The following FCRL5 variants were observed in gnomAD, a reference collection of about 807,000 sequenced individuals.
FCRL5 encodes the protein Fc receptor like 5, also known as Fc receptor-like protein 5.
FCRL5 carries 79 observed loss-of-function variants against 92.1 expected under a neutral mutation model. That is an observed-to-expected ratio of 0.86 (90% CI 0.72 to 1.03). The LOEUF (loss-of-function observed/expected upper bound fraction) is 1.03. Among genes scored for constraint, FCRL5 ranks in the 50% least tolerant of loss-of-function variants. The probability of loss-of-function intolerance (pLI) is 0.00; values close to 1 mark genes in which losing one functional copy is unlikely to be tolerated. For synonymous variants in FCRL5, 466 were observed against 469.3 expected (o/e 0.99, Z 0.09); for missense variants, 1,160 against 1,181.1 (o/e 0.98, Z 0.26).
Position 157,518,445 on chromosome 1 carries a change from C to T in FCRL5, c.2796G>A (p.Glu932=). The T allele has an allele frequency of 1.2e-6, 2 of 1,614,062 alleles. No homozygotes were observed. Among genetic ancestry groups the T allele is most frequent in the Admixed American group, 1.7e-5 (1 of 60,020 alleles). The change falls in exon 15 of 17, where the codon GAG becomes GAA. Residue 932 remains glutamate (E), a synonymous_variant. Transcript: ENST00000361835. The part of the protein sequence containing the change: ...VVYSEVRIIQ[E]KKKHAVASDP... ...GGGTCTTACCTGCATGTTTCTTTTT[C>T]TCTTGGATGATCCGTACTTCTGAGT...
At position 157,515,021 on chromosome 1, in the gene FCRL5, G is replaced by A. The variant is rs1649856263; in HGVS notation, c.*654C>T. The A allele has an allele frequency of 1.3e-5, 2 of 155,320 alleles. No individual in the cohort carries two copies. The highest frequency in any genetic ancestry group is 1.2e-4 in the Admixed American group (2 of 16,076). The allele number at this position is 155,320 out of a possible 1,614,324, so 9.6% of individuals were successfully genotyped here. On this transcript the variant is annotated 3_prime_UTR_variant, in exon 17 of 17. Coordinates refer to ENST00000361835, the MANE Select transcript of FCRL5 (RefSeq NM_031281.3). ...GGATGGGAAGAACTTGGGACTTGGT[G>A]TATGAAAGCCACTTACTTGGGCAGG...
chr1:157,533,773 A>C (rs897269372), intron 8 of FCRL5: 14 of 150,192 alleles, frequency 9.3e-5, no homozygotes, highest in African/African-American at 3.6e-4. Context: ...GAATGAGTGA[A>C]GTCTAGAAGC....
chr1:157,516,164 G>C lies in FCRL5; in HGVS notation c.2813-291C>G, dbSNP rs1278497120. The C allele has an allele frequency of 1.8e-5, 10 of 544,146 alleles. No individual in the cohort carries two copies. The East Asian group carries it at 3.2e-4, about 17-fold the overall frequency. 33.7% of individuals were successfully genotyped at this position (544,146 alleles called of 1,614,324 possible). On this transcript the variant is annotated intron_variant, in intron 15 of 16. Coordinates refer to ENST00000361835, the MANE Select transcript of FCRL5 (RefSeq NM_031281.3). ...TTGTCTTTTATCTTGTTAGTTATTTGAGCATAATTGGTATTATTGTTCTGG... is the reference window on the plus strand; with the variant it reads ...TTGTCTTTTATCTTGTTAGTTATTTCAGCATAATTGGTATTATTGTTCTGG...
rs1558129365 is a variant in FCRL5, at chr1:157,524,513, G to C, written c.2005C>G (p.Gln669Glu). 6.2e-7 allele frequency: 1 copy of C among 1,613,510 alleles called. No homozygotes were observed. The highest frequency in any genetic ancestry group is 8.5e-7 in the Non-Finnish European group (1 of 1,179,540). Reference protein sequence around the residue: ...PILTFRAPRAQAVVGDLLELH... With the variant: ...PILTFRAPRAEAVVGDLLELH... ...TCCAGCAGGTCCCCCACCACAGCCT[G>C]GGCCCTGGGAGCCCTGAAGGTGAGG... The change falls in exon 10 of 17, where the codon CAG becomes GAG. Residue 669 changes from glutamine to glutamate, a missense_variant. By Grantham distance (29) the Gln-to-Glu change is conservative. Transcript: ENST00000361835.
chr1:157,521,314 A>G (rs1650182742), intron 10 of FCRL5, 22 bp from the exon 11 acceptor site: 9 of 1,577,246 alleles, frequency 5.7e-6, no homozygotes, highest in African/African-American at 1.4e-5. Context: ...CAAAAAGTCA[A>G]CAGCAGTTTC....
chr1:157,541,302 C>T (rs920112499), intron 6 of FCRL5, among the ~76,000 whole-genome samples: 1 of 152,170 alleles, frequency 6.6e-6, no homozygotes, highest in Non-Finnish European at 1.5e-5. Flanking sequence ...CTCCTGGCTG[C>T]CCCCCAAACT....
In FCRL5 at chr1:157,544,909, T is replaced by A. The variant is rs369623236; in HGVS notation, c.481A>T (p.Asn161Tyr). ...FHIPHACLKD[N>Y]GAYRCTGYKE... ...TATCCAGTACAGCGATATGCACCAT[T>A]GTCCTTGAGACATGCATGAGGAATA... Residue 161 changes from asparagine (N) to tyrosine (Y), a missense_variant, in exon 4 of 17, where the codon AAT becomes TAT. Asn to Tyr is a moderately radical substitution (Grantham distance 143, BLOSUM62 -2). Transcript: ENST00000361835. The A allele has an allele frequency of 1.2e-6, 2 of 1,614,190 alleles. No individual in the cohort carries two copies. Among genetic ancestry groups the A allele is most frequent in the Non-Finnish European group, 1.7e-6 (2 of 1,179,990 alleles).
At chr1:157,542,803 G>T in intron 6 of FCRL5, 56 bp downstream of exon 6, 1 of 1,571,662 alleles carries the variant, frequency 6.4e-7, no homozygotes, top group Non-Finnish European at 8.6e-7. Context: ...CCGAAGGGCA[G>T]GGTGAGGCAG....
Position 157,534,734 on chromosome 1 carries a change from A to T in FCRL5, c.1561T>A (p.Ser521Thr), listed in dbSNP as rs371783204. The T allele has an allele frequency of 3.1e-6, 5 of 1,613,968 alleles. No individual in the cohort carries two copies. The highest frequency in any genetic ancestry group is 2.7e-5 in the African/African-American group (2 of 74,896). Residue 521 changes from serine (S) to threonine (T), a missense_variant, in exon 8 of 17, where the codon TCT (serine) becomes ACT (threonine). Coordinates refer to ENST00000361835, the MANE Select transcript of FCRL5 (RefSeq NM_031281.3). Reference protein sequence around the residue: ...DMPLWSSSTPSVGRVSFSFSL... With the variant: ...DMPLWSSSTPTVGRVSFSFSL... ...AAGCTGAAGGACACTCTTCCCACAG[A>T]GGGTGTTGAGCTGCTCCACAGGGGC...
In FCRL5 at chr1:157,544,836, A is replaced by T; in HGVS notation, c.554T>A (p.Val185Asp). Residue 185 changes from valine (V) to aspartate (D), a missense_variant, in exon 4 of 17, where the codon GTC becomes GAC. Val to Asp is a radical substitution (Grantham distance 152). Coordinates refer to ENST00000361835, the MANE Select transcript of FCRL5 (RefSeq NM_031281.3). Reference sequence around the variant, plus strand: ...CAAAATAATGAAGGCTTTACCTTGGACTTGGATTTTGACTGTATTGGAAGA... The same window carrying T: ...CAAAATAATGAAGGCTTTACCTTGGTCTTGGATTTTGACTGTATTGGAAGA... The part of the protein sequence containing the change: ...PVSSNTVKIQ[V>D]QEPFTRPVLR... 6.2e-7 allele frequency: 1 copy of T among 1,614,066 alleles called. No individual in the cohort carries two copies. The highest frequency in any genetic ancestry group is 8.5e-7 in the Non-Finnish European group (1 of 1,180,014).
At chr1:157,519,695 C>G in intron 13 of FCRL5, 48 bp downstream of exon 13, 1 of 1,596,854 alleles carries the variant, frequency 6.3e-7, no homozygotes, top group Non-Finnish European at 8.6e-7. Context: ...CATTTTTCCA[C>G]CCTGTGGACA....
At chr1:157,518,629 C>A in intron 14 of FCRL5, 71 bp downstream of exon 14, 1 of 1,489,900 alleles carries the variant, frequency 6.7e-7, no homozygotes, top group Non-Finnish European at 9.3e-7. Flanking sequence ...AGTCCCTCCC[C>A]ATCTCCTGCC....
rs1650919185 is a variant in FCRL5 at position 157,535,293 on chromosome 1, C to T, written c.1403-401G>A. On this transcript the variant is annotated intron_variant, in intron 7 of 16. Transcript: ENST00000361835. ...GCCTGGCCTGCCCAAGGGGGATTTT[C>T]CTATGTCTCTTGACCTTGTGCACAT... 2.0e-5 allele frequency among the ~76,000 whole-genome samples: 3 copies of T among 152,246 alleles called. No individual in the cohort carries two copies. The South Asian group carries it at 6.2e-4, about 31-fold the overall frequency.
intron 2 of FCRL5, among the ~76,000 whole-genome samples, chr1:157,549,284 G>A (rs540567235): frequency 1.8e-5 from 2 of 113,324 alleles, no homozygotes; most frequent in African/African-American, 6.8e-5. Context: ...AGGGCCTGTT[G>A]TGGGGTGGGG....
At position 157,518,759 on chromosome 1, in the gene FCRL5, T is replaced by C; in HGVS notation, c.2684A>G (p.Gln895Arg). ...PARSPSDSDSQEPTYHNVPAW... is the reference protein window; with the variant it reads ...PARSPSDSDSREPTYHNVPAW... ...TGGTACATTGTGATAGGTGGGCTCT[T>C]GGGAGTCCGAGTCTGAAGGGCTCCT... The change falls in exon 14 of 17, where the codon CAA (glutamine) becomes CGA (arginine). Residue 895 changes from glutamine to arginine, a missense_variant. Gln to Arg is a conservative substitution (Grantham distance 43). Coordinates refer to ENST00000361835, the MANE Select transcript of FCRL5 (RefSeq NM_031281.3). The C allele has an allele frequency of 6.2e-7, 1 of 1,613,356 alleles. No individual in the cohort carries two copies. The highest frequency in any genetic ancestry group is 8.5e-7 in the Non-Finnish European group (1 of 1,179,840).
Position 157,534,720 on chromosome 1 carries a change from C to T in FCRL5, c.1575G>A (p.Val525=). The change falls in exon 8 of 17, where the codon GTG becomes GTA. Residue 525 remains valine, a synonymous_variant. Transcript: ENST00000361835. The part of the protein sequence containing the change: ...WSSSTPSVGR[V]SFSFSLTEGH... ...CTTCAGTCAGAGAGAAGCTGAAGGA[C>T]ACTCTTCCCACAGAGGGTGTTGAGC... 6.2e-7 allele frequency: 1 copy of T among 1,614,110 alleles called. No homozygotes were observed. The highest frequency in any genetic ancestry group is 8.5e-7 in the Non-Finnish European group (1 of 1,180,014).
intron 12 of FCRL5, 60 bp downstream of exon 12, chr1:157,520,371 C>A: frequency 8.1e-7 from 1 of 1,230,752 alleles, no homozygotes; most frequent in East Asian, 2.5e-5. Context: ...GCATGAAGCC[C>A]AAGGGAGCGT....
At position 157,549,713 on chromosome 1, in the gene FCRL5, T is replaced by A. The variant is rs1402955282; in HGVS notation, c.32-133A>T. On this transcript the variant is annotated intron_variant, in intron 1 of 16. Coordinates refer to ENST00000361835, the MANE Select transcript of FCRL5 (RefSeq NM_031281.3). ...TTCATTTAAAAACTCTAATAATTAT[T>A]CATCAAATGTATATATATACACATA... 11 of 630,018 alleles carry A rather than the reference T, an allele frequency of 1.7e-5. No homozygotes were observed. The South Asian group carries it at 2.5e-4, about 14-fold the overall frequency. The allele number at this position is 630,018 out of a possible 1,614,324, so 39.0% of individuals were successfully genotyped here. A position where few individuals can be genotyped will look rare whatever the true frequency, so the allele number is the denominator to read the frequency against.
At chr1:157,540,867 A>G (rs1176883400) in intron 6 of FCRL5, among the ~76,000 whole-genome samples, 1 of 152,228 alleles carries the variant, frequency 6.6e-6, no homozygotes, top group Non-Finnish European at 1.5e-5. Flanking sequence ...AAATATCGAT[A>G]TATAGAGAGA....
Sources: allele counts gnomAD v4.1 joint callset (sites outside exome capture counted in the v4.1 genomes callset), GRCh38; gene constraint gnomAD v4.1.1; transcripts MANE v1.5; gene names NCBI Gene and HGNC (gene_info 2026-07-23, HGNC 2026-07-21).